Variants in PLCL1 observed in about 807,000 individuals in gnomAD.
PLCL1 encodes phospholipase C like 1 (inactive).
Under a neutral mutation model 84.4 loss-of-function variants are expected in PLCL1, and 41 were observed. The ratio of observed to expected loss-of-function variants is 0.49; its 90% confidence interval spans 0.38 to 0.63. The LOEUF (loss-of-function observed/expected upper bound fraction) is 0.63. Ranked by LOEUF, PLCL1 falls within the 30% of genes least tolerant of loss-of-function variation. The pLI is 0.00. For missense variants in PLCL1, 1,206 were observed against 1,367.8 expected (o/e 0.88, Z 1.87); for synonymous variants, 490 against 488.3 (o/e 1.00, Z -0.05).
chr2:198,014,135 A>G (rs1378053107), intron 1 of PLCL1, among the ~76,000 whole-genome samples: 1 of 152,182 alleles, frequency 6.6e-6, no homozygotes, highest in Non-Finnish European at 1.5e-5. Context: ...TTTATTTCAT[A>G]GAAAGCAGCA....
Position 197,842,326 on chromosome 2 carries a change from A to G in PLCL1, c.240+36987A>G, listed in dbSNP as rs571395289. On this transcript the variant is annotated intron_variant, in intron 1 of 5. Coordinates refer to ENST00000428675, the MANE Select transcript of PLCL1 (RefSeq NM_006226.4). ...TCTTGTTCCAGTGCCATCTCTGGGA[A>G]CCCTACTCTTCTCTGGAGGCTGGTG... Among the ~76,000 whole-genome samples, 8 of 152,112 alleles carry G rather than the reference A, an allele frequency of 5.3e-5. No homozygotes were observed. In the South Asian group the frequency reaches 1.0e-3, roughly 20 times the overall value.
At chr2:198,005,638 C>A (rs1244962501) in intron 1 of PLCL1, among the ~76,000 whole-genome samples, 1 of 152,138 alleles carries the variant, frequency 6.6e-6, no homozygotes, top group Non-Finnish European at 1.5e-5. Context: ...GGGCAGACTG[C>A]AATAAAAAAG....
intron 1 of PLCL1, among the ~76,000 whole-genome samples, chr2:197,984,759 G>A (rs1414975197): frequency 1.3e-5 from 2 of 151,802 alleles, no homozygotes; most frequent in African/African-American, 4.9e-5. Context: ...CTTACTTACT[G>A]CATTAGAAAT....
chr2:197,831,408 C>T (rs2105655887), intron 1 of PLCL1, among the ~76,000 whole-genome samples: 1 of 151,932 alleles, frequency 6.6e-6, no homozygotes, highest in East Asian at 1.9e-4. Context: ...CAACAAGGAT[C>T]AAAAAAGACA....
intron 1 of PLCL1, among the ~76,000 whole-genome samples, chr2:197,964,966 T>C (rs945895255): frequency 4.6e-5 from 7 of 152,140 alleles, no homozygotes; most frequent in Non-Finnish European, 1.0e-4. Context: ...TAATATGCTA[T>C]TGAATCTGGT....
intron 5 of PLCL1, among the ~76,000 whole-genome samples, chr2:198,113,788 A>G (rs1425019600): frequency 6.6e-6 from 1 of 151,856 alleles, no homozygotes; most frequent in East Asian, 1.9e-4. Context: ...TTTAATTACC[A>G]CTCATTAGCA....
At chr2:197,971,245 C>T (rs1689858050) in intron 1 of PLCL1, among the ~76,000 whole-genome samples, 1 of 152,202 alleles carries the variant, frequency 6.6e-6, no homozygotes. Context: ...AGAAATGGAG[C>T]TGCCATGAAG....
intron 1 of PLCL1, among the ~76,000 whole-genome samples, chr2:197,806,630 A>C (rs181668552): frequency 2.0e-5 from 3 of 152,304 alleles, no homozygotes; most frequent in East Asian, 1.9e-4. Context: ...GGAGTGTTCT[A>C]TTCTGGGTGT....
chr2:198,106,690 A>G (rs1321537045), intron 5 of PLCL1, among the ~76,000 whole-genome samples: 1 of 151,928 alleles, frequency 6.6e-6, no homozygotes. Flanking sequence ...CATGTAACTA[A>G]TAATGGCCAT....
At chr2:197,935,738 C>T (rs912271460) in intron 1 of PLCL1, among the ~76,000 whole-genome samples, 4 of 152,162 alleles carry the variant, frequency 2.6e-5, no homozygotes, top group African/African-American at 9.7e-5. Context: ...TACAACAAAC[C>T]TGCATGTGTA....
intron 3 of PLCL1, among the ~76,000 whole-genome samples, chr2:198,095,542 T>C (rs894958188): frequency 1.3e-5 from 2 of 152,224 alleles, no homozygotes; most frequent in African/African-American, 4.8e-5. Flanking sequence ...TGCAAGCCAC[T>C]GCGTTAAATG....
chr2:197,932,442 A>T (rs904537442), intron 1 of PLCL1, among the ~76,000 whole-genome samples: 16 of 152,172 alleles, frequency 1.1e-4, no homozygotes, highest in South Asian at 6.2e-4. Flanking sequence ...CCATGGTGGT[A>T]TGCTGTACCT....
chr2:197,846,433 G>C (rs1687121564), intron 1 of PLCL1, among the ~76,000 whole-genome samples: 1 of 152,088 alleles, frequency 6.6e-6, no homozygotes, highest in Admixed American at 6.6e-5. Context: ...GCAAATATTA[G>C]GTTTCTGTCT....
intron 1 of PLCL1, among the ~76,000 whole-genome samples, chr2:198,023,781 AC>A (rs1054211745): frequency 6.6e-6 from 1 of 152,178 alleles, no homozygotes; most frequent in Non-Finnish European, 1.5e-5. Flanking sequence ...AAATAGGAAC[AC>A]TTTTACCCTG....
chr2:198,109,418 A>G (rs1693563803), intron 5 of PLCL1, among the ~76,000 whole-genome samples: 1 of 151,906 alleles, frequency 6.6e-6, no homozygotes, highest in Non-Finnish European at 1.5e-5. Flanking sequence ...TGGAAGGGAC[A>G]CAAACATTCA....
intron 1 of PLCL1, among the ~76,000 whole-genome samples, chr2:197,937,405 C>T (rs569227962): frequency 1.7e-3 from 252 of 152,264 alleles, no homozygotes; most frequent in Admixed American, 2.7e-3. Context: ...CCAATCTATG[C>T]GCATGGATAA....
chr2:198,117,997 C>A lies in PLCL1; in HGVS notation c.3105+14061C>A, dbSNP rs562554607. Among the ~76,000 whole-genome samples the A allele has an allele frequency of 6.6e-5, 10 of 151,888 alleles. No homozygotes were observed. The South Asian group carries it at 1.9e-3, about 28-fold the overall frequency. On this transcript the variant is annotated intron_variant, in intron 5 of 5. Transcript: ENST00000428675. Reference sequence around the variant, plus strand: ...GCTTGTATATGTGTTATATCATAGGCTCGTTTCTTATATTAAACAACTCAC... The same window carrying A: ...GCTTGTATATGTGTTATATCATAGGATCGTTTCTTATATTAAACAACTCAC...
chr2:197,882,073 C>T (rs1431304524), intron 1 of PLCL1, among the ~76,000 whole-genome samples: 2 of 152,078 alleles, frequency 1.3e-5, no homozygotes, highest in Admixed American at 1.3e-4. Flanking sequence ...AGGCACCTCA[C>T]CCCCCACCCC....
intron 1 of PLCL1, among the ~76,000 whole-genome samples, chr2:198,039,762 G>T (rs1691617777): frequency 6.6e-6 from 1 of 152,178 alleles, no homozygotes; most frequent in Non-Finnish European, 1.5e-5. Flanking sequence ...ATCACTCATT[G>T]ACTGGCTCAC....
Sources: allele counts gnomAD v4.1 joint callset (sites outside exome capture counted in the v4.1 genomes callset), GRCh38; gene constraint gnomAD v4.1.1; transcripts MANE v1.5; gene names NCBI Gene and HGNC (gene_info 2026-07-23, HGNC 2026-07-21).